The following PDS5B variants were observed in gnomAD, a reference collection of about 807,000 sequenced individuals.
PDS5B encodes sister chromatid cohesion protein PDS5 homolog B.
PDS5B carries 51 observed loss-of-function variants against 184.1 expected under a neutral mutation model. The ratio of observed to expected loss-of-function variants is 0.28; its 90% CI spans 0.22 to 0.35. PDS5B has a LOEUF of 0.35. PDS5B is among the 10% of genes least tolerant of loss of function. The probability of loss-of-function intolerance (pLI) is 1.00; values close to 1 mark genes in which losing one functional copy is unlikely to be tolerated. For synonymous variants in PDS5B, 566 were observed against 569.2 expected (o/e 0.99, Z 0.08); for missense variants, 1,180 against 1,723.3 (o/e 0.68, Z 5.58).
chr13:32,617,855 G>C (rs943955654), intron 1 of PDS5B, among the ~76,000 whole-genome samples: 2 of 152,134 alleles, frequency 1.3e-5, no homozygotes, highest in African/African-American at 4.8e-5. Context: ...TATATATTCT[G>C]ATTACTAACT....
In PDS5B at chr13:32,730,007, G is replaced by T. The variant is rs188479704; in HGVS notation, c.2124-2094G>T. On this transcript the variant is annotated intron_variant, in intron 19 of 34. Coordinates refer to ENST00000315596, the MANE Select transcript of PDS5B (RefSeq NM_015032.4). ...CCATTGCTTTTGGTGTTTTAGTCATGAAGTCTTTGCCCATGCCTATGTCCT... is the reference window on the plus strand; with the variant it reads ...CCATTGCTTTTGGTGTTTTAGTCATTAAGTCTTTGCCCATGCCTATGTCCT... Among the ~76,000 whole-genome samples the T allele has an allele frequency of 4.0e-3, 609 of 152,292 alleles. 3 individuals carry two copies. The highest frequency in any genetic ancestry group is 5.9e-3 in the Admixed American group (90 of 15,308).
chr13:32,735,331 G>A lies in PDS5B; in HGVS notation c.2406+1G>A. ...GAAAGATCTTCTCATGAATGATCGG[G>A]TAATTTATATTTTTTAGATTCATGT... On this transcript the variant is annotated splice_donor_variant, in intron 21 of 34. Coordinates refer to ENST00000315596, the MANE Select transcript of PDS5B (RefSeq NM_015032.4). LOFTEE classifies it high-confidence loss of function. 1 of 1,595,318 alleles carries A rather than the reference G, an allele frequency of 6.3e-7. No individual in the cohort carries two copies. Among genetic ancestry groups the A allele is most frequent in the Admixed American group, 1.7e-5 (1 of 57,540 alleles).
Position 32,727,156 on chromosome 13 carries a change from A to G in PDS5B, c.2124-4945A>G, listed in dbSNP as rs367599765. ...TGTCTGCTTTCCTTGAGATTAATCA[A>G]GTATTATGATTTTATCTTTACTATT... is the stretch of plus-strand genomic sequence containing the variant. On this transcript the variant is annotated intron_variant, in intron 19 of 34. Coordinates refer to ENST00000315596, the MANE Select transcript of PDS5B (RefSeq NM_015032.4). Among the ~76,000 whole-genome samples the G allele has an allele frequency of 2.4e-4, 36 of 152,226 alleles. No individual in the cohort carries two copies. The East Asian group carries it at 5.4e-3, about 23-fold the overall frequency.
At chr13:32,665,672 A>G (rs1950775526) in intron 6 of PDS5B, among the ~76,000 whole-genome samples, 1 of 151,560 alleles carries the variant, frequency 6.6e-6, no homozygotes, top group Admixed American at 6.6e-5. Context: ...AAAGCTATAG[A>G]GAGCAAAGCC....
At chr13:32,676,234 T>A (rs1395948474) in intron 9 of PDS5B, among the ~76,000 whole-genome samples, 1 of 152,218 alleles carries the variant, frequency 6.6e-6, no homozygotes, top group African/African-American at 2.4e-5. Flanking sequence ...AGGCAGTGAT[T>A]AATTCCAACT....
At chr13:32,700,412 G>C (rs1951833474) in intron 16 of PDS5B, among the ~76,000 whole-genome samples, 1 of 152,004 alleles carries the variant, frequency 6.6e-6, no homozygotes, top group Non-Finnish European at 1.5e-5. Context: ...AACAATATTG[G>C]TCAGTATCAT....
chr13:32,597,574 C>T (rs1028832072), intron 1 of PDS5B, among the ~76,000 whole-genome samples: 2 of 149,408 alleles, frequency 1.3e-5, no homozygotes, highest in Admixed American at 6.7e-5. Context: ...GCCTGTAATC[C>T]GAGCACTTTG....
At chr13:32,661,607 T>A (rs893151603) in intron 6 of PDS5B, among the ~76,000 whole-genome samples, 1 of 151,824 alleles carries the variant, frequency 6.6e-6, no homozygotes, top group East Asian at 1.9e-4. Context: ...GATATTCAAG[T>A]AGAAGTTAGC....
chr13:32,703,890 A>AT (rs1951932558), intron 17 of PDS5B, among the ~76,000 whole-genome samples: 1 of 152,170 alleles, frequency 6.6e-6, no homozygotes, highest in Non-Finnish European at 1.5e-5. Context: ...GTCTTGGCTA[A>AT]TTTTATCCCT....
chr13:32,653,399 C>G (rs1367073356), intron 3 of PDS5B, among the ~76,000 whole-genome samples: 2 of 152,072 alleles, frequency 1.3e-5, no homozygotes, highest in Non-Finnish European at 1.5e-5. Flanking sequence ...ATTTATTTCA[C>G]TTAATAAGTC....
intron 1 of PDS5B, among the ~76,000 whole-genome samples, chr13:32,608,151 C>T (rs2058088994): frequency 6.6e-6 from 1 of 152,176 alleles, no homozygotes; most frequent in Non-Finnish European, 1.5e-5. Flanking sequence ...TAGACTGGAG[C>T]TGTTCCTATT....
chr13:32,721,887 A>C (rs1952724332), intron 19 of PDS5B, among the ~76,000 whole-genome samples: 1 of 150,204 alleles, frequency 6.7e-6, no homozygotes, highest in East Asian at 2.0e-4. Context: ...GTGGCCGGGC[A>C]GAGGGGCTCC....
intron 30 of PDS5B, among the ~76,000 whole-genome samples, chr13:32,764,240 G>T (rs910916336): frequency 2.0e-5 from 3 of 151,990 alleles, no homozygotes; most frequent in Non-Finnish European, 4.4e-5. Flanking sequence ...CCCCAAAATA[G>T]AATTTAGGTT....
At chr13:32,739,413 T>C (rs1336265964) in intron 21 of PDS5B, among the ~76,000 whole-genome samples, 1 of 152,226 alleles carries the variant, frequency 6.6e-6, no homozygotes, top group African/African-American at 2.4e-5. Flanking sequence ...ACACAACTTA[T>C]GTTAGGCACT....
chr13:32,642,904 A>C, intron 1 of PDS5B, among the ~76,000 whole-genome samples: 1 of 152,010 alleles, frequency 6.6e-6, no homozygotes, highest in East Asian at 1.9e-4. Context: ...ACTGTGATTC[A>C]CTTATTTAGG....
chr13:32,770,156 G>A lies in PDS5B; in HGVS notation c.3660G>A (p.Thr1220=), dbSNP rs779674172. 9 of 1,613,088 alleles carry A rather than the reference G, an allele frequency of 5.6e-6. No individual in the cohort carries two copies. Among genetic ancestry groups the A allele is most frequent in the Admixed American group, 5.0e-5 (3 of 59,872 alleles). The part of the protein sequence containing the change: ...ELEKPRGRKK[T]PVTEQEEKLG... ...AGAAGCCTAGAGGCAGGAAAAAAAC[G>A]CCCGTCACAGAACAGGAGGAGAAAT... is the stretch of plus-strand genomic sequence containing the variant. Residue 1220 remains threonine (T), a synonymous_variant, in exon 32 of 35, where the codon ACG becomes ACA. Coordinates refer to ENST00000315596, the MANE Select transcript of PDS5B (RefSeq NM_015032.4).
chr13:32,605,393 T>G (rs2058044071), intron 1 of PDS5B, among the ~76,000 whole-genome samples: 1 of 152,220 alleles, frequency 6.6e-6, no homozygotes. Context: ...TGAGTGAGTT[T>G]CTTAATCCTG....
intron 1 of PDS5B, among the ~76,000 whole-genome samples, chr13:32,639,489 A>G (rs542889009): frequency 6.4e-4 from 98 of 152,310 alleles, no homozygotes; most frequent in Non-Finnish European, 8.7e-4. Context: ...AAAAAATTGT[A>G]TGTTGAAAAA....
intron 19 of PDS5B, among the ~76,000 whole-genome samples, chr13:32,720,587 A>G (rs1952636254): frequency 6.6e-6 from 1 of 151,962 alleles, no homozygotes; most frequent in Admixed American, 6.5e-5. Context: ...GCACAGGGGT[A>G]CAACTTTTAT....
Sources: allele counts gnomAD v4.1 joint callset (sites outside exome capture counted in the v4.1 genomes callset), GRCh38; gene constraint gnomAD v4.1.1; transcripts MANE v1.5; gene names NCBI Gene and HGNC (gene_info 2026-07-23, HGNC 2026-07-21).